The following ZNF550 variants were observed in gnomAD, a reference collection of about 807,000 sequenced individuals.
The protein encoded by ZNF550 is zinc finger protein 550.
ZNF550 carries 42 observed loss-of-function variants against 40.2 expected under a neutral mutation model. The ratio of observed to expected loss-of-function variants is 1.05; its 90% CI spans 0.82 to 1.35. ZNF550 has a LOEUF of 1.35. Ranked by LOEUF, ZNF550 falls within the 40% of genes most tolerant of loss-of-function variation. The pLI, the probability that ZNF550 is intolerant of heterozygous loss-of-function variation, is 0.00. For synonymous variants in ZNF550, 223 were observed against 198.6 expected (o/e 1.12, Z -1.03); for missense variants, 549 against 525.2 (o/e 1.05, Z -0.44).
chr19:57,559,269 G>C (rs2090148765), intron 1 of ZNF550, among the ~76,000 whole-genome samples: 1 of 152,140 alleles, frequency 6.6e-6, no homozygotes, highest in Non-Finnish European at 1.5e-5. Flanking sequence ...AACCCCGGGG[G>C]GGGGAAGAGT....
At chr19:57,545,104 G>A (rs747515900) in intron 4 of ZNF550, among the ~76,000 whole-genome samples, 13 of 152,148 alleles carry the variant, frequency 8.5e-5, no homozygotes, top group Non-Finnish European at 1.6e-4. Context: ...CCTAGGCAGC[G>A]GAGTGAGACT....
chr19:57,543,706 C>T (rs866840368), intron 4 of ZNF550: 20 of 810,056 alleles, frequency 2.5e-5, no homozygotes, highest in South Asian at 1.1e-4. Flanking sequence ...GAGGCAGAGG[C>T]GGGTGGACTA....
intron 3 of ZNF550, 65 bp from the exon 4 acceptor site, chr19:57,548,058 A>G: frequency 7.1e-7 from 1 of 1,401,584 alleles, no homozygotes; most frequent in Non-Finnish European, 9.8e-7. Flanking sequence ...ACACAAAATA[A>G]CCACTTCAGT....
exon 4 of ZNF550, chr19:57,546,732 C>G: frequency 1.6e-5 from 20 of 1,271,952 alleles, no homozygotes; most frequent in Non-Finnish European, 2.0e-5. Flanking sequence ...GGTATGAATC[C>G]TTCTGCAATG....
chr19:57,555,217 A>C (rs948031693), intron 2 of ZNF550: 2 of 152,212 alleles, frequency 1.3e-5, no homozygotes, highest in East Asian at 3.8e-4. Flanking sequence ...CAATGCCACT[A>C]AGTCCCAGGA....
exon 2 of ZNF550, chr19:57,556,278 A>G (rs773393441): frequency 6.2e-7 from 1 of 1,614,172 alleles, no homozygotes; most frequent in Admixed American, 1.7e-5. Flanking sequence ...CTCTCGGTAC[A>G]GGGTCCTCTG....
intron 4 of ZNF550, chr19:57,543,537 C>T: frequency 1.1e-6 from 1 of 873,442 alleles, no homozygotes; most frequent in Non-Finnish European, 1.4e-6. Context: ...TAACTAGTCC[C>T]ACCCCCACAA....
intron 4 of ZNF550, among the ~76,000 whole-genome samples, chr19:57,545,291 A>G (rs1166896120): frequency 2.0e-5 from 3 of 152,218 alleles, no homozygotes; most frequent in Non-Finnish European, 4.4e-5. Context: ...TTATAAGATC[A>G]GACAATGAGA....
chr19:57,542,594 TGAAAAA>T (rs759281904), exon 5 of ZNF550: 1 of 150,976 alleles, frequency 6.6e-6, no homozygotes, highest in Non-Finnish European at 1.5e-5. Context: ...GTAGTTTGAG[TGAAAAA>T]GAAAAAAAAA....
chr19:57,552,795 C>T, intron 2 of ZNF550, 73 bp from the exon 3 acceptor site: 1 of 1,137,870 alleles, frequency 8.8e-7, no homozygotes, highest in African/African-American at 1.5e-5. Context: ...TTGCCTAGGA[C>T]TTCATGACAG....
intron 4 of ZNF550, chr19:57,543,259 T>C: frequency 2.2e-6 from 2 of 902,940 alleles, no homozygotes; most frequent in Non-Finnish European, 2.6e-6. Flanking sequence ...ATTATAAAAT[T>C]TACTGTGAAC....
upstream of ZNF550, among the ~76,000 whole-genome samples, chr19:57,560,838 T>C (rs1047733736): frequency 6.6e-6 from 1 of 152,218 alleles, no homozygotes; most frequent in African/African-American, 2.4e-5. Context: ...GCCCCAATCC[T>C]GTTTGTTAAG....
At chr19:57,546,786 T>G in exon 4 of ZNF550, 1 of 1,376,166 alleles carries the variant, frequency 7.3e-7, no homozygotes, top group African/African-American at 1.4e-5. Context: ...ACATTCACTG[T>G]ATTCACAGGG....
Position 57,555,857 on chromosome 19 carries a change from C to T in ZNF550, c.154+374G>A, listed in dbSNP as rs150522119. 22 of 275,638 alleles carry T rather than the reference C, an allele frequency of 8.0e-5. No individual in the cohort carries two copies. In the East Asian group the frequency reaches 2.2e-3, roughly 28 times the overall value. 17.1% of individuals were successfully genotyped at this position (275,638 alleles called of 1,614,324 possible). On this transcript the variant is annotated intron_variant, in intron 2 of 4. Coordinates refer to ENST00000457177, the Ensembl canonical transcript of ZNF550. ...GAGATTGTATTGCTTAGGAAGATAT[C>T]CGAGGGGCACTGAGGACAAATGTCT...
exon 5 of ZNF550, chr19:57,542,174 T>C (rs1037974473): frequency 1.3e-5 from 2 of 151,700 alleles, no homozygotes; most frequent in Admixed American, 6.6e-5. Flanking sequence ...TCTATATCAC[T>C]TTAAACTTCT....
In ZNF550 at chr19:57,554,549, A is replaced by G. The variant is rs1021060184; in HGVS notation, c.154+1682T>C. ...CCAGTTTGATCTGGTTTTCTGTTAT[A>G]TGCAGCCAAATGCTTTCCACTAGAT... On this transcript the variant is annotated intron_variant, in intron 2 of 4. Coordinates refer to ENST00000457177, the Ensembl canonical transcript of ZNF550. The surrounding 1 kb of genome is among the most constrained non-coding windows in gnomAD (Gnocchi z 4.5). 6.6e-6 allele frequency: 1 copy of G among 152,244 alleles called. No individual in the cohort carries two copies. Among genetic ancestry groups the G allele is most frequent in the Non-Finnish European group, 1.5e-5 (1 of 68,048 alleles). The allele number at this position is 152,244 out of a possible 1,614,324, so 9.4% of individuals were successfully genotyped here. A position where few individuals can be genotyped will look rare whatever the true frequency, so the allele number is the denominator to read the frequency against.
chr19:57,553,821 C>A (rs1200108375), intron 2 of ZNF550: 1 of 152,190 alleles, frequency 6.6e-6, no homozygotes, highest in East Asian at 1.9e-4. Flanking sequence ...TCGTGTGAGA[C>A]CTGGGCATCA....
chr19:57,555,930 C>A (rs1308892766), intron 2 of ZNF550: 5 of 382,920 alleles, frequency 1.3e-5, no homozygotes, highest in South Asian at 8.8e-5. Context: ...CAGCCCATCA[C>A]CCATGGCCCC....
exon 4 of ZNF550, chr19:57,546,894 C>G (rs1599889024): frequency 5.4e-6 from 8 of 1,485,804 alleles, no homozygotes; most frequent in Admixed American, 2.3e-5. Flanking sequence ...GGACTTCTTC[C>G]TACAGTGTGG....
Sources: allele counts gnomAD v4.1 joint callset (sites outside exome capture counted in the v4.1 genomes callset), GRCh38; gene constraint gnomAD v4.1.1; non-coding constraint Gnocchi (gnomAD v3.1); transcripts MANE v1.5; gene names NCBI Gene and HGNC (gene_info 2026-07-23, HGNC 2026-07-21).